The following GRXCR2 variants were observed in gnomAD, a reference collection of about 807,000 sequenced individuals.
The protein encoded by GRXCR2 is glutaredoxin domain-containing cysteine-rich protein 2.
A neutral mutation model predicts 24.8 loss-of-function variants in GRXCR2; 23 were observed. The observed-to-expected ratio is 0.93, with a 90% CI of 0.67 to 1.32. GRXCR2 has a LOEUF of 1.32. Ranked by LOEUF, GRXCR2 falls within the 40% of genes most tolerant of loss-of-function variation. The pLI is 0.00. For missense variants in GRXCR2, 315 were observed against 303.4 expected (o/e 1.04, Z -0.28); for synonymous variants, 130 against 116.1 (o/e 1.12, Z -0.77).
Position 145,926,747 on chromosome 5 carries a change from T to G in GRXCR2, c.-70+8954A>C, listed in dbSNP as rs369784744. On this transcript the variant is annotated intron_variant, in intron 2 of 3. Transcript: ENST00000639411. ...GTTCCATATGAACTTCAAAGTAGTT[T>G]TTAGCAATTCTGTGAAGAAAGTCAT... Among the ~76,000 whole-genome samples the G allele has an allele frequency of 1.2e-3, 184 of 152,346 alleles. 3 individuals carry two copies. The South Asian group carries it at 0.022, about 18-fold the overall frequency.
chr5:145,896,197 A>G (rs995206256), intron 2 of GRXCR2, among the ~76,000 whole-genome samples: 3 of 152,196 alleles, frequency 2.0e-5, no homozygotes, highest in African/African-American at 7.2e-5. Flanking sequence ...AAACCTAGGC[A>G]TTACCATTCA....
intron 2 of GRXCR2, among the ~76,000 whole-genome samples, chr5:145,898,003 C>T (rs745764105): frequency 6.6e-6 from 1 of 151,878 alleles, no homozygotes; most frequent in Non-Finnish European, 1.5e-5. Flanking sequence ...AACATTCTTA[C>T]AAAGAATCAA....
intron 2 of GRXCR2, among the ~76,000 whole-genome samples, chr5:145,879,370 CA>C (rs144743619): frequency 0.045 from 4,474 of 99,530 alleles, 118 homozygotes; most frequent in African/African-American, 0.11. Flanking sequence ...AAATGCACAG[CA>C]AAAAAAAAAA....
intron 2 of GRXCR2, among the ~76,000 whole-genome samples, chr5:145,896,803 T>C (rs1347287147): frequency 6.6e-6 from 1 of 152,166 alleles, no homozygotes; most frequent in Non-Finnish European, 1.5e-5. Context: ...CAAAGGATTA[T>C]GAATCATGCT....
At chr5:145,868,198 G>GC (rs1261104443) in intron 1 of GRXCR2, among the ~76,000 whole-genome samples, 12 of 152,178 alleles carry the variant, frequency 7.9e-5, no homozygotes, top group African/African-American at 2.9e-4. Flanking sequence ...TGTTGCCATT[G>GC]TTATTATTTA....
upstream of GRXCR2, among the ~76,000 whole-genome samples, chr5:145,876,320 A>G (rs948486132): frequency 6.8e-6 from 1 of 146,120 alleles, no homozygotes; most frequent in Non-Finnish European, 1.5e-5. Flanking sequence ...TCTGTCGCCC[A>G]GGTTGGAGTG....
At chr5:145,860,255 C>A (rs1019599221) in intron 2 of GRXCR2, among the ~76,000 whole-genome samples, 7 of 152,164 alleles carry the variant, frequency 4.6e-5, no homozygotes, top group African/African-American at 1.7e-4. Context: ...CCAAATACTA[C>A]AAGTGAACCC....
At chr5:145,908,106 T>A (rs374401339) in intron 2 of GRXCR2, among the ~76,000 whole-genome samples, 1 of 152,190 alleles carries the variant, frequency 6.6e-6, no homozygotes, top group Non-Finnish European at 1.5e-5. Flanking sequence ...CAATGTCATG[T>A]CTTCTTTGTC....
chr5:145,893,056 A>C (rs1756894511), intron 2 of GRXCR2, among the ~76,000 whole-genome samples: 1 of 152,206 alleles, frequency 6.6e-6, no homozygotes, highest in African/African-American at 2.4e-5. Context: ...AAGGAGAAAT[A>C]AAATACTTTA....
intron 2 of GRXCR2, among the ~76,000 whole-genome samples, chr5:145,911,248 C>G (rs1012405610): frequency 6.6e-6 from 1 of 152,128 alleles, no homozygotes; most frequent in Non-Finnish European, 1.5e-5. Flanking sequence ...TTCCACAGTT[C>G]TATGCTGTTT....
chr5:145,914,573 G>C (rs1158606549), intron 2 of GRXCR2, among the ~76,000 whole-genome samples: 2 of 150,738 alleles, frequency 1.3e-5, no homozygotes, highest in Non-Finnish European at 2.9e-5. Context: ...CTACTCAGGA[G>C]GCAGAGACAG....
intron 2 of GRXCR2, among the ~76,000 whole-genome samples, chr5:145,892,563 G>A (rs570216976): frequency 8.7e-4 from 132 of 152,262 alleles, no homozygotes; most frequent in African/African-American, 2.9e-3. Flanking sequence ...GAAATGAAGC[G>A]AGAAGAGAAG....
intron 2 of GRXCR2, among the ~76,000 whole-genome samples, chr5:145,905,609 G>A (rs537420775): frequency 1.3e-5 from 2 of 152,224 alleles, no homozygotes; most frequent in African/African-American, 4.8e-5. Flanking sequence ...CTTCAAGAGA[G>A]GAAATAAAGT....
intron 2 of GRXCR2, among the ~76,000 whole-genome samples, chr5:145,908,018 C>T (rs181409254): frequency 3.3e-5 from 5 of 152,240 alleles, no homozygotes; most frequent in African/African-American, 1.2e-4. Context: ...TAAGTCTGCA[C>T]CAACCTCAGA....
chr5:145,894,117 G>A (rs1756912272), intron 2 of GRXCR2, among the ~76,000 whole-genome samples: 1 of 152,056 alleles, frequency 6.6e-6, no homozygotes, highest in Admixed American at 6.6e-5. Context: ...CAGAATCTCT[G>A]GGACACATTC....
At chr5:145,899,111 G>C (rs1756990994) in intron 2 of GRXCR2, among the ~76,000 whole-genome samples, 1 of 151,978 alleles carries the variant, frequency 6.6e-6, no homozygotes, top group African/African-American at 2.4e-5. Flanking sequence ...CTATGCACCA[G>C]TAATGTTCAT....
At chr5:145,889,143 TG>T (rs986057644) in intron 2 of GRXCR2, among the ~76,000 whole-genome samples, 6 of 144,620 alleles carry the variant, frequency 4.1e-5, no homozygotes, top group Admixed American at 1.5e-4. Context: ...CAGCTTGAGC[TG>T]GGTGACAGAC....
chr5:145,872,606 A>G, intron 1 of GRXCR2, 27 bp downstream of exon 1: 1 of 1,533,370 alleles, frequency 6.5e-7, no homozygotes, highest in South Asian at 1.3e-5. Flanking sequence ...CTACCCTTAA[A>G]GCCTATATGC....
intron 2 of GRXCR2, 107 bp from the exon 3 acceptor site, chr5:145,860,022 GAAAATGCTTCCCACGA>G: frequency 2.3e-6 from 2 of 857,866 alleles, no homozygotes; most frequent in Admixed American, 3.3e-5. Flanking sequence ...CAGAATAGAG[GAAAATGCTTCCCACGA>G]ATGTCAGTGA....
Sources: gnomAD v4.1 joint callset for allele counts (sites outside exome capture counted in the v4.1 genomes callset) on GRCh38, gnomAD v4.1.1 for gene constraint, MANE v1.5 for transcripts, NCBI Gene and HGNC (gene_info 2026-07-23, HGNC 2026-07-21) for gene names.